STAMBP: variants seen among roughly 807,000 people sequenced by gnomAD.
The protein encoded by STAMBP is STAM-binding protein.
Under a neutral mutation model 50.7 loss-of-function variants are expected in STAMBP, and 31 were observed. The ratio of observed to expected loss-of-function variants is 0.61; its 90% CI spans 0.46 to 0.83. The LOEUF (loss-of-function observed/expected upper bound fraction) is 0.83. Ranked by LOEUF, STAMBP falls within the 40% of genes least tolerant of loss-of-function variation. STAMBP has a pLI of 0.00. For missense variants in STAMBP, 472 were observed against 518.9 expected, an observed-to-expected ratio of 0.91 and a Z score of 0.88; for synonymous variants, 211 against 192.4, an observed-to-expected ratio of 1.10 and a Z score of -0.80.
intron 4 of STAMBP, among the ~76,000 whole-genome samples, chr2:73,846,001 C>T (rs1001960114): frequency 6.6e-6 from 1 of 152,202 alleles, no homozygotes; most frequent in East Asian, 1.9e-4. Flanking sequence ...TGCCAGGGCG[C>T]TGTCAGTGGC....
At chr2:73,849,980 A>C (rs549789458) in intron 6 of STAMBP, among the ~76,000 whole-genome samples, 2 of 152,286 alleles carry the variant, frequency 1.3e-5, no homozygotes, top group South Asian at 4.1e-4. Flanking sequence ...TAAATAAATG[A>C]AGTAGAGTAA....
At chr2:73,843,412 ATATATATG>A (rs1211482062) in intron 2 of STAMBP, among the ~76,000 whole-genome samples, 6 of 137,734 alleles carry the variant, frequency 4.4e-5, no homozygotes, top group African/African-American at 1.7e-4. Flanking sequence ...GTATGTATAT[ATATATATG>A]TATATATATA....
intron 4 of STAMBP, among the ~76,000 whole-genome samples, chr2:73,847,173 G>A (rs551523438): frequency 1.3e-5 from 2 of 151,568 alleles, no homozygotes; most frequent in East Asian, 3.9e-4. Flanking sequence ...GATTTTAATT[G>A]TCCTTGGAGA....
At chr2:73,860,371 G>A (rs552487889) in intron 9 of STAMBP, among the ~76,000 whole-genome samples, 10 of 152,248 alleles carry the variant, frequency 6.6e-5, no homozygotes, top group Middle Eastern at 3.4e-3. Context: ...GCTACTTACC[G>A]TTCCTGGGCC....
At chr2:73,868,183 A>G (rs1573433227), downstream of STAMBP, among the ~76,000 whole-genome samples, 2 of 152,162 alleles carry the variant, frequency 1.3e-5, no homozygotes, top group East Asian at 3.9e-4. Flanking sequence ...TTATGAGCAC[A>G]ATCTCATAAA....
At chr2:73,872,988 GT>G (rs1679259485) in intron 10 of STAMBP, among the ~76,000 whole-genome samples, 1 of 152,186 alleles carries the variant, frequency 6.6e-6, no homozygotes, top group Non-Finnish European at 1.5e-5. Context: ...AGGTAGAGGG[GT>G]TCTGTTTTCC....
chr2:73,860,672 G>A (rs955943251), intron 9 of STAMBP: 1 of 475,392 alleles, frequency 2.1e-6, no homozygotes, highest in South Asian at 9.0e-5. Flanking sequence ...TCCCTATGTT[G>A]TGGTCTGTGA....
At chr2:73,851,696 A>G (rs925963478) in intron 7 of STAMBP, among the ~76,000 whole-genome samples, 4 of 151,040 alleles carry the variant, frequency 2.6e-5, no homozygotes, top group African/African-American at 4.9e-5. Flanking sequence ...CTGGAGTGCA[A>G]TGGCAAGATC....
At chr2:73,851,784 C>T (rs1366660385) in intron 7 of STAMBP, among the ~76,000 whole-genome samples, 2 of 152,020 alleles carry the variant, frequency 1.3e-5, no homozygotes, top group East Asian at 1.9e-4. Context: ...GGACTACAAG[C>T]GCCCGCCACC....
intron 7 of STAMBP, among the ~76,000 whole-genome samples, chr2:73,852,917 G>GGGGTGT (rs1553383836): frequency 8.1e-6 from 1 of 122,770 alleles, no homozygotes; most frequent in African/African-American, 3.0e-5. Flanking sequence ...ATGTTGGCCA[G>GGGGTGT]GTGTGTGTGT....
chr2:73,849,213 T>G lies in STAMBP; in HGVS notation c.743-150T>G. On this transcript the variant is annotated intron_variant, in intron 5 of 9. Transcript: ENST00000394070. ...AGAAGACACTTTACAGCCCTTTTTTTGGTGCCATTAGAATGAGATCCCTAC... is the reference window on the plus strand; with the variant it reads ...AGAAGACACTTTACAGCCCTTTTTTGGGTGCCATTAGAATGAGATCCCTAC... 5.5e-6 allele frequency: 6 copies of G among 1,089,272 alleles called. No individual in the cohort carries two copies. The South Asian group carries it at 8.8e-5, about 16-fold the overall frequency. The allele number at this position is 1,089,272 out of a possible 1,614,324, so 67.5% of individuals were successfully genotyped here.
chr2:73,866,578 G>A lies in STAMBP; in HGVS notation c.*4319G>A. On this transcript the variant is annotated 3_prime_UTR_variant, in exon 10 of 10. Transcript: ENST00000394070. Reference sequence around the variant, plus strand: ...GGTAGCCAGGTGGACCTGTGTCCTAGCCTGGAGAAGCTCTATGTCACCTTG... The same window carrying A: ...GGTAGCCAGGTGGACCTGTGTCCTAACCTGGAGAAGCTCTATGTCACCTTG... 6.6e-6 allele frequency: 1 copy of A among 152,248 alleles called. No homozygotes were observed. Among genetic ancestry groups the A allele is most frequent in the Non-Finnish European group, 1.5e-5 (1 of 68,068 alleles). 9.4% of individuals were successfully genotyped at this position (152,248 alleles called of 1,614,324 possible).
In STAMBP at chr2:73,830,813, G is replaced by A. The variant is rs201102191; in HGVS notation, c.-12-32G>A. On this transcript the variant is annotated intron_variant, in intron 1 of 9. Coordinates refer to ENST00000394070, the MANE Select transcript of STAMBP (RefSeq NM_213622.4). ...AAACTGCTGGGATGATGAGGGCAAC[G>A]GTATTGATGCCATCTGTTTTTTCTG... 3.7e-5 allele frequency: 57 copies of A among 1,539,646 alleles called. No homozygotes were observed. In the East Asian group the frequency reaches 9.7e-4, roughly 26 times the overall value.
intron 2 of STAMBP, 94 bp downstream of exon 2, chr2:73,831,153 A>C: frequency 5.5e-5 from 54 of 978,748 alleles, no homozygotes; most frequent in Non-Finnish European, 7.3e-5. Flanking sequence ...TCACAATATC[A>C]TCAACATTAA....
At position 73,862,303 on chromosome 2, in the gene STAMBP, G is replaced by C. The variant is rs1439235819; in HGVS notation, c.*44G>C. On this transcript the variant is annotated 3_prime_UTR_variant, in exon 10 of 10. Coordinates refer to ENST00000394070, the MANE Select transcript of STAMBP (RefSeq NM_213622.4). The stretch of plus-strand genomic sequence containing the variant: ...TTCCAAGAACAACAAAACCATATCA[G>C]TGTACTGTAGCCCCTTAATTTAAGC... 6.4e-7 allele frequency: 1 copy of C among 1,557,528 alleles called. No individual in the cohort carries two copies.
At chr2:73,832,084 C>CATATGTATATATAT (rs1553376117) in intron 2 of STAMBP, among the ~76,000 whole-genome samples, 1 of 118,528 alleles carries the variant, frequency 8.4e-6, no homozygotes, top group African/African-American at 3.6e-5. Flanking sequence ...GAGTAGGTAA[C>CATATGTATATATAT]ATATATATAT....
downstream of STAMBP, among the ~76,000 whole-genome samples, chr2:73,871,184 C>G (rs1679183941): frequency 6.6e-6 from 1 of 152,114 alleles, no homozygotes; most frequent in Non-Finnish European, 1.5e-5. Context: ...ATGATTATGG[C>G]CTTTGAGACT....
Position 73,847,480 on chromosome 2 carries a change from T to C in STAMBP, c.469T>C (p.Leu157=), listed in dbSNP as rs770423527. 5.6e-6 allele frequency: 9 copies of C among 1,614,126 alleles called. No individual in the cohort carries two copies. Among genetic ancestry groups the C allele is most frequent in the Admixed American group, 3.3e-5 (2 of 60,022 alleles). The change falls in exon 5 of 10, where the codon TTG becomes CTG. Residue 157 remains leucine, a synonymous_variant. Coordinates refer to ENST00000394070, the MANE Select transcript of STAMBP (RefSeq NM_213622.4). ...GGTAGCACAACAGAAGCAGCAGCAA[T>C]TGGAACAGGAACAGTTCCATGCCTT... ...QRVAQQKQQQ[L]EQEQFHAFEE... is the part of the protein sequence containing the mutation.
intron 7 of STAMBP, among the ~76,000 whole-genome samples, chr2:73,854,088 TGTG>T (rs1319366713): frequency 2.0e-5 from 3 of 152,174 alleles, no homozygotes; most frequent in African/African-American, 7.2e-5. Context: ...GACAAGGTAA[TGTG>T]GTGATAAGGA....
Sources: gnomAD v4.1 joint callset for allele counts (sites outside exome capture counted in the v4.1 genomes callset) on GRCh38, gnomAD v4.1.1 for gene constraint, MANE v1.5 for transcripts, NCBI Gene and HGNC (gene_info 2026-07-23, HGNC 2026-07-21) for gene names.